Variants in EXOC4 observed in about 807,000 individuals in gnomAD.
EXOC4 encodes the protein exocyst complex component 4.
In EXOC4, 71 loss-of-function variants were observed where a neutral mutation model predicts 107.2. That is an observed-to-expected ratio of 0.66 (90% CI 0.55 to 0.81). The LOEUF is 0.81. EXOC4 is among the 30% of genes least tolerant of loss of function. EXOC4 has a pLI of 0.00. For missense variants in EXOC4, 1,108 were observed against 1,189.6 expected, an observed-to-expected ratio of 0.93 and a Z score of 1.01; for synonymous variants, 456 against 441.2, an observed-to-expected ratio of 1.03 and a Z score of -0.42.
intron 11 of EXOC4, chr7:133,895,304 A>C: frequency 3.1e-6 from 1 of 319,256 alleles, no homozygotes; most frequent in Non-Finnish European, 6.1e-6. Context: ...CGGTGCGCGC[A>C]CCCACTGGCC....
At chr7:133,286,169 C>T (rs1273254962) in intron 2 of EXOC4, among the ~76,000 whole-genome samples, 1 of 152,148 alleles carries the variant, frequency 6.6e-6, no homozygotes, top group Non-Finnish European at 1.5e-5. Context: ...CCTTTTGGAT[C>T]AATCCTCTTG....
intron 10 of EXOC4, among the ~76,000 whole-genome samples, chr7:133,788,582 T>A (rs1004818340): frequency 9.2e-5 from 14 of 151,898 alleles, no homozygotes; most frequent in Non-Finnish European, 2.1e-4. Flanking sequence ...AACCTCCACC[T>A]CCCGGGTTCA....
chr7:133,689,409 T>C (rs937669581), intron 10 of EXOC4, among the ~76,000 whole-genome samples: 3 of 152,164 alleles, frequency 2.0e-5, no homozygotes, highest in African/African-American at 7.2e-5. Context: ...GGTAGAAAGA[T>C]CAGTTTCAAC....
intron 14 of EXOC4, among the ~76,000 whole-genome samples, chr7:133,992,530 G>A (rs531864295): frequency 3.9e-5 from 6 of 151,988 alleles, no homozygotes; most frequent in Non-Finnish European, 5.9e-5. Flanking sequence ...TGATTTGCCC[G>A]CCTCAGGCTC....
chr7:133,733,481 G>C (rs1490383574), intron 10 of EXOC4: 1 of 152,126 alleles, frequency 6.6e-6, no homozygotes, highest in Non-Finnish European at 1.5e-5. Context: ...GACAGAGAGA[G>C]ACTCTGTCTC....
intron 10 of EXOC4, among the ~76,000 whole-genome samples, chr7:133,775,948 A>G (rs540710592): frequency 1.3e-5 from 2 of 152,330 alleles, no homozygotes; most frequent in South Asian, 4.1e-4. Flanking sequence ...TCAGTTATCT[A>G]GAAGGAATTG....
chr7:133,793,683 A>G (rs1217301568), intron 10 of EXOC4, among the ~76,000 whole-genome samples: 1 of 152,026 alleles, frequency 6.6e-6, no homozygotes, highest in African/African-American at 2.4e-5. Flanking sequence ...CATCTCTACT[A>G]AAAATACAAA....
At chr7:133,528,244 C>A (rs1483378520) in intron 9 of EXOC4, among the ~76,000 whole-genome samples, 2 of 152,104 alleles carry the variant, frequency 1.3e-5, no homozygotes, top group African/African-American at 4.8e-5. Context: ...GTATAATAAA[C>A]CTAAATGGAA....
At chr7:133,918,705 G>T (rs2116640922) in intron 13 of EXOC4, among the ~76,000 whole-genome samples, 1 of 150,012 alleles carries the variant, frequency 6.7e-6, no homozygotes, top group Non-Finnish European at 1.5e-5. Flanking sequence ...CATATGGCTG[G>T]CTTGCCACAG....
chr7:133,436,199 A>C (rs1797971192), intron 7 of EXOC4, among the ~76,000 whole-genome samples: 1 of 152,202 alleles, frequency 6.6e-6, no homozygotes, highest in African/African-American at 2.4e-5. Context: ...TCAAACCCAG[A>C]GTGGCGTGGG....
chr7:133,886,410 A>C (rs1371792886), intron 11 of EXOC4, among the ~76,000 whole-genome samples: 1 of 152,214 alleles, frequency 6.6e-6, no homozygotes, highest in African/African-American at 2.4e-5. Context: ...TCACTGATTA[A>C]ATTTTTTTAA....
intron 10 of EXOC4, among the ~76,000 whole-genome samples, chr7:133,668,981 T>C (rs903531788): frequency 6.8e-6 from 1 of 147,728 alleles, no homozygotes; most frequent in Non-Finnish European, 1.5e-5. Context: ...CCTTTTGTTA[T>C]GCACAATAGA....
rs1446540979 is a variant in EXOC4 at position 133,517,500 on chromosome 7, G to C, written c.1417+37362G>C. On this transcript the variant is annotated intron_variant, in intron 9 of 17. Coordinates refer to ENST00000253861, the MANE Select transcript of EXOC4 (RefSeq NM_021807.4). Reference sequence around the variant, plus strand: ...GACTGGGCAATTTACAAAACAAAGAGGTTTAATGGAGTCATAGTTCCACAT... The same window carrying C: ...GACTGGGCAATTTACAAAACAAAGACGTTTAATGGAGTCATAGTTCCACAT... Among the ~76,000 whole-genome samples the C allele has an allele frequency of 2.6e-5, 4 of 152,274 alleles. 1 individual carries two copies. The South Asian group carries it at 8.3e-4, about 32-fold the overall frequency.
intron 5 of EXOC4, among the ~76,000 whole-genome samples, chr7:133,347,369 G>A (rs1241416941): frequency 5.3e-5 from 8 of 151,108 alleles, no homozygotes; most frequent in African/African-American, 1.2e-4. Flanking sequence ...TCAACCTCCC[G>A]AGTAGCTGGG....
At chr7:133,544,261 C>G (rs1800436992) in intron 9 of EXOC4, among the ~76,000 whole-genome samples, 1 of 151,892 alleles carries the variant, frequency 6.6e-6, no homozygotes, top group African/African-American at 2.4e-5. Flanking sequence ...AGTTCCAAAT[C>G]TTGATAATCA....
At chr7:134,053,560 T>TATATA (rs1795849193) in intron 17 of EXOC4, among the ~76,000 whole-genome samples, 17 of 149,196 alleles carry the variant, frequency 1.1e-4, no homozygotes, top group Non-Finnish European at 2.5e-4. Flanking sequence ...ATATCTGATT[T>TATATA]TATATATATA....
chr7:133,511,438 A>C (rs1200102021), intron 9 of EXOC4, among the ~76,000 whole-genome samples: 1 of 152,188 alleles, frequency 6.6e-6, no homozygotes. Flanking sequence ...AACTCATTTC[A>C]GTGTTCTCTC....
intron 10 of EXOC4, among the ~76,000 whole-genome samples, chr7:133,785,184 A>G (rs1796543335): frequency 6.6e-6 from 1 of 152,206 alleles, no homozygotes; most frequent in African/African-American, 2.4e-5. Flanking sequence ...CTGCCATTGG[A>G]ATAATACCTG....
chr7:133,783,021 A>G (rs961456282), intron 10 of EXOC4, among the ~76,000 whole-genome samples: 3 of 152,184 alleles, frequency 2.0e-5, no homozygotes, highest in African/African-American at 7.2e-5. Context: ...CAAGTTACTT[A>G]ACATCGCCGT....
Sources: allele counts gnomAD v4.1 joint callset (sites outside exome capture counted in the v4.1 genomes callset), GRCh38; gene constraint gnomAD v4.1.1; transcripts MANE v1.5; gene names NCBI Gene and HGNC (gene_info 2026-07-23, HGNC 2026-07-21).